Variants in CSMD1 observed in about 807,000 individuals in gnomAD.
The protein encoded by CSMD1 is CUB and Sushi multiple domains 1, also known as CUB and sushi domain-containing protein 1.
CSMD1 carries 213 observed loss-of-function variants against 417.5 expected under a neutral mutation model. The ratio of observed to expected loss-of-function variants is 0.51; its 90% confidence interval spans 0.46 to 0.57. CSMD1 has a LOEUF of 0.57. Ranked by LOEUF, CSMD1 falls within the 20% of genes least tolerant of loss-of-function variation. The probability of loss-of-function intolerance (pLI) is 0.00; values close to 1 mark genes in which losing one functional copy is unlikely to be tolerated. For missense variants in CSMD1, 6,923 were observed against 4,529.7 expected (o/e 1.53, Z -15.17); for synonymous variants, 2,862 against 1,736.8 (o/e 1.65, Z -16.11).
At chr8:3,313,330 G>A (rs931750760) in intron 23 of CSMD1, among the ~76,000 whole-genome samples, 1 of 152,048 alleles carries the variant, frequency 6.6e-6, no homozygotes, top group African/African-American at 2.4e-5. Flanking sequence ...GAGTGAACAG[G>A]CAACATACAG....
At chr8:4,782,645 T>C (rs1022607509) in intron 1 of CSMD1, among the ~76,000 whole-genome samples, 2 of 152,182 alleles carry the variant, frequency 1.3e-5, no homozygotes, top group Non-Finnish European at 2.9e-5. Flanking sequence ...TTACTGTATA[T>C]TTTTGTACAA....
chr8:3,478,840 G>C (rs575138587), intron 11 of CSMD1, among the ~76,000 whole-genome samples: 1 of 152,150 alleles, frequency 6.6e-6, no homozygotes, highest in Admixed American at 6.5e-5. Flanking sequence ...CCTGCAAGAG[G>C]GATGCAGCTA....
intron 23 of CSMD1, among the ~76,000 whole-genome samples, chr8:3,312,577 C>A (rs1282157012): frequency 6.6e-6 from 1 of 152,156 alleles, no homozygotes; most frequent in Non-Finnish European, 1.5e-5. Flanking sequence ...GGTTCACACA[C>A]AGTTGCTGGG....
intron 2 of CSMD1, among the ~76,000 whole-genome samples, chr8:4,438,848 C>G (rs12677457): frequency 0.23 from 34,916 of 152,156 alleles, 5,146 homozygotes; most frequent in Non-Finnish European, 0.34. Flanking sequence ...GGTGTATTAT[C>G]TGAATCTGTA....
At chr8:4,296,936 T>G (rs746806787) in intron 3 of CSMD1, among the ~76,000 whole-genome samples, 4 of 152,016 alleles carry the variant, frequency 2.6e-5, no homozygotes, top group Admixed American at 6.6e-5. Context: ...TGGACAATGG[T>G]ACACAAATGT....
intron 1 of CSMD1, among the ~76,000 whole-genome samples, chr8:4,795,383 T>C (rs868660476): frequency 1.2e-4 from 18 of 147,012 alleles, no homozygotes; most frequent in African/African-American, 4.0e-4. Flanking sequence ...GCAATTCTCC[T>C]GCCTCAGCCT....
chr8:3,932,209 A>G (rs2975402), intron 5 of CSMD1, among the ~76,000 whole-genome samples: 55,317 of 149,878 alleles, frequency 0.37, 12,577 homozygotes, highest in Admixed American at 0.45. Flanking sequence ...CTTTGGTCCC[A>G]TATCATGTTA....
chr8:3,327,623 C>T (rs926581171), intron 23 of CSMD1, among the ~76,000 whole-genome samples: 2 of 151,982 alleles, frequency 1.3e-5, no homozygotes, highest in Admixed American at 6.6e-5. Context: ...TCAGTAGTGA[C>T]CTGGGAATAG....
At chr8:3,834,062 C>G (rs1802526349) in intron 5 of CSMD1, among the ~76,000 whole-genome samples, 1 of 152,122 alleles carries the variant, frequency 6.6e-6, no homozygotes. Flanking sequence ...TTGGTCACTA[C>G]TGAAAAAATA....
At chr8:3,525,806 A>G (rs140054535) in intron 10 of CSMD1, among the ~76,000 whole-genome samples, 2 of 152,140 alleles carry the variant, frequency 1.3e-5, no homozygotes, top group African/African-American at 4.8e-5. Context: ...GTTGCTTACC[A>G]CTAAGTTGAC....
At chr8:3,744,027 T>C (rs979366087) in intron 6 of CSMD1, among the ~76,000 whole-genome samples, 3 of 152,202 alleles carry the variant, frequency 2.0e-5, no homozygotes, top group East Asian at 3.8e-4. Flanking sequence ...ATCCTGCCCT[T>C]TCCCCTTCAA....
chr8:3,940,206 G>C (rs377089053), intron 5 of CSMD1, among the ~76,000 whole-genome samples: 4 of 151,400 alleles, frequency 2.6e-5, no homozygotes, highest in Admixed American at 6.6e-5. Flanking sequence ...TTTTGAAAAA[G>C]TTCTACCACC....
chr8:4,268,431 T>C (rs781513191), intron 3 of CSMD1, among the ~76,000 whole-genome samples: 3 of 152,204 alleles, frequency 2.0e-5, no homozygotes, highest in Non-Finnish European at 4.4e-5. Flanking sequence ...TTGTTGTTTA[T>C]AGCTCACAGC....
At chr8:4,726,308 G>T (rs1418691030) in intron 1 of CSMD1, among the ~76,000 whole-genome samples, 1 of 151,004 alleles carries the variant, frequency 6.6e-6, no homozygotes, top group Non-Finnish European at 1.5e-5. Context: ...GTGGGTAGCG[G>T]GTTCTTTAAA....
intron 1 of CSMD1, among the ~76,000 whole-genome samples, chr8:4,911,660 C>T (rs1373598044): frequency 2.0e-5 from 3 of 152,208 alleles, no homozygotes; most frequent in Non-Finnish European, 4.4e-5. Context: ...TAAATAACTA[C>T]TTCGAAGTCT....
chr8:2,948,623 T>G (rs1210870976), intron 68 of CSMD1, among the ~76,000 whole-genome samples: 1 of 152,148 alleles, frequency 6.6e-6, no homozygotes, highest in Non-Finnish European at 1.5e-5. Flanking sequence ...AGCAATTCTT[T>G]CAGCATAGAT....
At chr8:3,267,872 G>A (rs1801548487) in intron 26 of CSMD1, among the ~76,000 whole-genome samples, 1 of 152,102 alleles carries the variant, frequency 6.6e-6, no homozygotes, top group Admixed American at 6.5e-5. Context: ...GGGCCATAGG[G>A]ACCTGCATAG....
intron 1 of CSMD1, among the ~76,000 whole-genome samples, chr8:4,702,283 G>C (rs1584965946): frequency 6.6e-6 from 1 of 152,140 alleles, no homozygotes; most frequent in Non-Finnish European, 1.5e-5. Context: ...AAAATCAACA[G>C]GTTGCCTTGC....
intron 20 of CSMD1, among the ~76,000 whole-genome samples, chr8:3,360,935 T>C (rs913922308): frequency 1.3e-5 from 2 of 152,094 alleles, no homozygotes; most frequent in African/African-American, 2.4e-5. Context: ...ATAAAAACTT[T>C]TATGGAACTC....
Sources: gnomAD v4.1 joint callset for allele counts (sites outside exome capture counted in the v4.1 genomes callset) on GRCh38, gnomAD v4.1.1 for gene constraint, MANE v1.5 for transcripts, NCBI Gene and HGNC (gene_info 2026-07-23, HGNC 2026-07-21) for gene names.